HK2: variants seen among roughly 807,000 people sequenced by gnomAD.
The protein encoded by HK2 is hexokinase 2.
Under a neutral mutation model 92.9 loss-of-function variants are expected in HK2, and 42 were observed. The ratio of observed to expected loss-of-function variants is 0.45; its 90% confidence interval spans 0.35 to 0.58. The LOEUF (loss-of-function observed/expected upper bound fraction) is 0.58. Ranked by LOEUF, HK2 falls within the 20% of genes least tolerant of loss-of-function variation. The probability of loss-of-function intolerance (pLI) is 0.00; values close to 1 mark genes in which losing one functional copy is unlikely to be tolerated. For synonymous variants in HK2, 422 were observed against 468.0 expected, an observed-to-expected ratio of 0.90 and a Z score of 1.27; for missense variants, 978 against 1,245.1, an observed-to-expected ratio of 0.79 and a Z score of 3.23.
chr2:74,853,129 G>A (rs995313681), intron 1 of HK2, among the ~76,000 whole-genome samples: 3 of 152,166 alleles, frequency 2.0e-5, no homozygotes, highest in African/African-American at 2.4e-5. Flanking sequence ...GGGCCTGTGT[G>A]TGTGAGCTCC....
chr2:74,853,828 A>G lies in HK2; in HGVS notation c.64-465A>G, dbSNP rs182846689. Among the ~76,000 whole-genome samples the G allele has an allele frequency of 1.2e-3, 178 of 152,280 alleles. 2 individuals are homozygous for G. The highest frequency in any genetic ancestry group is 9.8e-3 in the Admixed American group (150 of 15,298). On this transcript the variant is annotated intron_variant, in intron 1 of 17. Coordinates refer to ENST00000290573, the MANE Select transcript of HK2 (RefSeq NM_000189.5). Reference sequence around the variant, plus strand: ...ATCAGCGGAGTCTGGCTGGGTGTGGAAAGTGGATGGAAGAGGTAAAAGCGG... The same window carrying G: ...ATCAGCGGAGTCTGGCTGGGTGTGGGAAGTGGATGGAAGAGGTAAAAGCGG...
rs1030818354 is a variant in HK2, at chr2:74,854,963, A to G, written c.226+508A>G. Among the ~76,000 whole-genome samples, 4 of 152,312 alleles carry G rather than the reference A, an allele frequency of 2.6e-5. No individual in the cohort carries two copies. The East Asian group carries it at 5.8e-4, about 22-fold the overall frequency. Reference sequence around the variant, plus strand: ...CCATGTAAAAAGTACTAGAAATCCAAATAGACTTGGACAAAGTATGGAGCG... The same window carrying G: ...CCATGTAAAAAGTACTAGAAATCCAGATAGACTTGGACAAAGTATGGAGCG... On this transcript the variant is annotated intron_variant, in intron 2 of 17. Transcript: ENST00000290573.
In HK2 at chr2:74,874,488, G is replaced by T. The variant is rs766834658; in HGVS notation, c.875+39G>T. 10 of 1,552,492 alleles carry T rather than the reference G, an allele frequency of 6.4e-6. No individual in the cohort carries two copies. The African/African-American group carries it at 1.2e-4, about 19-fold the overall frequency. On this transcript the variant is annotated intron_variant, in intron 7 of 17. Transcript: ENST00000290573. ...TCCTGTGCGAGTGGGCTTGGCGGGGGCCTGGAGCTGAGTCTGGGGCTGGTC... is the reference window on the plus strand; with the variant it reads ...TCCTGTGCGAGTGGGCTTGGCGGGGTCCTGGAGCTGAGTCTGGGGCTGGTC...
intron 7 of HK2, among the ~76,000 whole-genome samples, chr2:74,875,397 T>C (rs13394603): frequency 0.33 from 49,714 of 149,120 alleles, 11,366 homozygotes; most frequent in African/African-American, 0.66. Context: ...GGCGCAATCT[T>C]GGCTCACCGC....
At chr2:74,865,681 T>TAGC (rs1176872622) in intron 2 of HK2, among the ~76,000 whole-genome samples, 2 of 152,038 alleles carry the variant, frequency 1.3e-5, no homozygotes, top group Non-Finnish European at 2.9e-5. Flanking sequence ...GGGCCACCTC[T>TAGC]AGTCACTGGG....
chr2:74,885,767 G>C (rs1290666190), intron 13 of HK2, among the ~76,000 whole-genome samples, 178 bp downstream of exon 13: 4 of 151,768 alleles, frequency 2.6e-5, no homozygotes, highest in African/African-American at 9.7e-5. Flanking sequence ...CTCAGCACTG[G>C]CGGTTCAGGA....
intron 2 of HK2, 40 bp downstream of exon 2, chr2:74,854,495 C>G (rs1234888002): frequency 2.5e-6 from 4 of 1,611,416 alleles, no homozygotes; most frequent in Middle Eastern, 1.7e-4. Context: ...CTGCGTTACT[C>G]AGGGGTGATT....
At chr2:74,854,137 C>T (rs1200395557) in intron 1 of HK2, among the ~76,000 whole-genome samples, 156 bp from the exon 2 acceptor site, 1 of 151,624 alleles carries the variant, frequency 6.6e-6, no homozygotes, top group Admixed American at 6.6e-5. Context: ...AAGACAAAGT[C>T]CTGTCAAATC....
rs778860544 is a variant in HK2, at chr2:74,878,895, C to T, written c.1239C>T (p.Asp413=). 11 of 1,551,494 alleles carry T rather than the reference C, an allele frequency of 7.1e-6. No homozygotes were observed. The highest frequency in any genetic ancestry group is 3.9e-5 in the Admixed American group (2 of 51,022). The change falls in exon 9 of 18, where the codon GAC becomes GAT. Residue 413 remains aspartate (D), a synonymous_variant. Coordinates refer to ENST00000290573, the MANE Select transcript of HK2 (RefSeq NM_000189.5). ...EERLRSTIGV[D]GSVYKKHPHF... is the part of the protein sequence containing the mutation. ...GGCTGCGCTCTACTATTGGGGTCGA[C>T]GGTTCCGTCTACAAGAAACACCCCC...
chr2:74,886,285 C>A lies in HK2; in HGVS notation c.1936-9C>A. On this transcript the variant is annotated splice_polypyrimidine_tract_variant and intron_variant, in intron 13 of 17. Transcript: ENST00000290573. ...CCTGTGAACTGGGCATCTGCTTCTTCCCTCTCAGGAGTTTGACCTGGATGT... is the reference window on the plus strand; with the variant it reads ...CCTGTGAACTGGGCATCTGCTTCTTACCTCTCAGGAGTTTGACCTGGATGT... The A allele has an allele frequency of 6.2e-7, 1 of 1,610,874 alleles. No homozygotes were observed. The highest frequency in any genetic ancestry group is 8.5e-7 in the Non-Finnish European group (1 of 1,177,050).
intron 1 of HK2, among the ~76,000 whole-genome samples, chr2:74,847,128 C>G (rs1158202567): frequency 6.6e-6 from 1 of 152,106 alleles, no homozygotes; most frequent in African/African-American, 2.4e-5. Flanking sequence ...AGACAAAGTT[C>G]AGCTGTGCCA....
chr2:74,881,183 G>A (rs1689383120), intron 10 of HK2, among the ~76,000 whole-genome samples: 3 of 152,220 alleles, frequency 2.0e-5, no homozygotes, highest in African/African-American at 4.8e-5. Flanking sequence ...GGCCTAAAAC[G>A]TTTGCTGTCT....
chr2:74,885,360 C>T (rs1448044483), intron 12 of HK2, 134 bp from the exon 13 acceptor site: 14 of 712,746 alleles, frequency 2.0e-5, no homozygotes, highest in South Asian at 7.4e-5. Context: ...GTTTAATTTG[C>T]GGGTGAGATG....
rs778920536 is a variant in HK2 at position 74,880,547 on chromosome 2, G to A, written c.1548G>A (p.Val516=). 6.2e-7 allele frequency: 1 copy of A among 1,614,026 alleles called. No homozygotes were observed. Among genetic ancestry groups the A allele is most frequent in the Non-Finnish European group, 8.5e-7 (1 of 1,180,002 alleles). Residue 516 remains valine, a synonymous_variant, in exon 10 of 18, where the codon GTG becomes GTA. Coordinates refer to ENST00000290573, the MANE Select transcript of HK2 (RefSeq NM_000189.5). ...CCGTCAAGATGCTGCCCACCTACGT[G>A]TGTGCTACCCCGGACGGCACAGGTA... ...SAPVKMLPTY[V]CATPDGTEKG... is the part of the protein sequence containing the mutation.
chr2:74,845,498 G>A (rs910106441), intron 1 of HK2, among the ~76,000 whole-genome samples: 8 of 152,256 alleles, frequency 5.3e-5, no homozygotes, highest in Admixed American at 2.0e-4. Flanking sequence ...GCTGCCTAAG[G>A]TCTGTCTGGC....
intron 2 of HK2, among the ~76,000 whole-genome samples, chr2:74,867,131 CTG>C (rs1373672786): frequency 6.6e-6 from 1 of 151,938 alleles, no homozygotes; most frequent in African/African-American, 2.4e-5. Context: ...GGATGCGAAA[CTG>C]TCTTATATTG....
rs367821527 is a variant in HK2 at position 74,868,004 on chromosome 2, GAAGAAGCATGAAATCC to G, written c.375+224_375+239del. 3.4e-4 allele frequency: 184 copies of G among 541,154 alleles called. 2 individuals are homozygous for G. The highest frequency in any genetic ancestry group is 3.1e-3 in the African/African-American group (165 of 53,078). 33.5% of individuals were successfully genotyped at this position (541,154 alleles called of 1,614,324 possible). A position where few individuals can be genotyped will look rare whatever the true frequency, so the allele number is the denominator to read the frequency against. On this transcript the variant is annotated intron_variant, in intron 3 of 17. Transcript: ENST00000290573. ...CTCAGTATTAAAAGGAGTGACTAGAGAAGAAGCATGAAATCCAAGTAAGACGCTGTTCAGTGTTGTC... is the reference window on the plus strand; with the variant it reads ...CTCAGTATTAAAAGGAGTGACTAGAGAAGTAAGACGCTGTTCAGTGTTGTC...
intron 4 of HK2, 71 bp downstream of exon 4, chr2:74,872,490 C>G (rs1689119944): frequency 3.8e-6 from 6 of 1,583,070 alleles, no homozygotes; most frequent in Non-Finnish European, 5.2e-6. Flanking sequence ...ACTTCTGAGC[C>G]ACCTGCTGTG....
intron 1 of HK2, among the ~76,000 whole-genome samples, chr2:74,840,248 C>T (rs1484452092): frequency 7.3e-5 from 11 of 150,818 alleles, no homozygotes; most frequent in South Asian, 4.2e-4. Context: ...CGTGAGCCAC[C>T]GCGCCAGGCA....
Sources: allele counts gnomAD v4.1 joint callset (sites outside exome capture counted in the v4.1 genomes callset), GRCh38; gene constraint gnomAD v4.1.1; transcripts MANE v1.5; gene names NCBI Gene and HGNC (gene_info 2026-07-23, HGNC 2026-07-21).